GRID1: variants seen among roughly 807,000 people sequenced by gnomAD.
GRID1 encodes the protein glutamate receptor ionotropic, delta-1.
GRID1 carries 28 observed loss-of-function variants against 98.0 expected under a neutral mutation model. The ratio of observed to expected loss-of-function variants is 0.29; its 90% confidence interval spans 0.21 to 0.39. The LOEUF is 0.39. GRID1 is among the 10% of genes least tolerant of loss of function. GRID1 has a pLI of 1.00. For missense variants in GRID1, 1,111 were observed against 1,340.5 expected, an observed-to-expected ratio of 0.83 and a Z score of 2.67; for synonymous variants, 553 against 538.5, an observed-to-expected ratio of 1.03 and a Z score of -0.37.
intron 8 of GRID1, among the ~76,000 whole-genome samples, chr10:85,737,191 G>A (rs1841891443): frequency 6.6e-6 from 1 of 152,126 alleles, no homozygotes; most frequent in South Asian, 2.1e-4. Flanking sequence ...TTTGGTGAAA[G>A]ACATACTTTC....
At chr10:86,010,348 C>T (rs896555420) in intron 4 of GRID1, among the ~76,000 whole-genome samples, 6 of 152,088 alleles carry the variant, frequency 3.9e-5, no homozygotes, top group African/African-American at 7.2e-5. Flanking sequence ...TTTCTTGGGG[C>T]CTACTTCATA....
rs1409991380 is a variant in GRID1, at chr10:85,629,410, T to C, written c.2194-9377A>G. Among the ~76,000 whole-genome samples the C allele has an allele frequency of 2.1e-5, 3 of 141,182 alleles. No individual in the cohort carries two copies. In the East Asian group the frequency reaches 7.5e-4, roughly 35 times the overall value. 92.6% of individuals were successfully genotyped at this position (141,182 alleles called of 152,430 possible). On this transcript the variant is annotated intron_variant, in intron 13 of 15. Transcript: ENST00000327946. ...CCCTCCCACCTTTCCAAGTCTCTAA[T>C]GTCTATTATTCCACACTCGATGTCC...
At chr10:86,231,734 T>C (rs185555828) in intron 2 of GRID1, among the ~76,000 whole-genome samples, 5 of 152,282 alleles carry the variant, frequency 3.3e-5, no homozygotes, top group Admixed American at 3.3e-4. Flanking sequence ...ACAGGAGTCA[T>C]TAGACAGCTG....
intron 2 of GRID1, among the ~76,000 whole-genome samples, chr10:86,342,049 C>T (rs1848318052): frequency 6.6e-6 from 1 of 152,152 alleles, no homozygotes; most frequent in Non-Finnish European, 1.5e-5. Flanking sequence ...ACCCTGGGCC[C>T]CTCCAACTGA....
At chr10:85,975,035 G>A (rs969521566) in intron 4 of GRID1, among the ~76,000 whole-genome samples, 7 of 152,164 alleles carry the variant, frequency 4.6e-5, no homozygotes, top group African/African-American at 7.2e-5. Flanking sequence ...GTTTCTCCAT[G>A]TTCTCTACAA....
intron 12 of GRID1, among the ~76,000 whole-genome samples, chr10:85,700,996 A>C (rs1054112437): frequency 6.6e-6 from 1 of 152,214 alleles, no homozygotes; most frequent in Admixed American, 6.5e-5. Context: ...GTTTATAAAG[A>C]GAGAACAGAT....
At chr10:85,811,918 A>G (rs1247485627) in intron 8 of GRID1, among the ~76,000 whole-genome samples, 1 of 152,208 alleles carries the variant, frequency 6.6e-6, no homozygotes, top group Non-Finnish European at 1.5e-5. Context: ...CTAATCATCA[A>G]TCAAAGACAA....
chr10:86,017,866 G>T (rs917997051), intron 4 of GRID1, among the ~76,000 whole-genome samples: 1 of 152,188 alleles, frequency 6.6e-6, no homozygotes, highest in Non-Finnish European at 1.5e-5. Context: ...TGCAAAGGAG[G>T]GAAAGAGAGG....
chr10:85,607,864 C>T (rs1251059946), intron 15 of GRID1, among the ~76,000 whole-genome samples: 1 of 148,708 alleles, frequency 6.7e-6, no homozygotes, highest in East Asian at 2.0e-4. Flanking sequence ...GTCACCCAGG[C>T]TAGAGTGCAG....
At chr10:85,816,678 T>C (rs1351829962) in intron 8 of GRID1, among the ~76,000 whole-genome samples, 1 of 152,216 alleles carries the variant, frequency 6.6e-6, no homozygotes, top group Non-Finnish European at 1.5e-5. Context: ...TGTATAATTT[T>C]TTCATGCTTT....
chr10:85,615,885 T>C (rs1590160375), intron 14 of GRID1, among the ~76,000 whole-genome samples: 1 of 152,296 alleles, frequency 6.6e-6, no homozygotes, highest in East Asian at 1.9e-4. Flanking sequence ...TGTCAGCAGT[T>C]GAAAAACTAG....
intron 5 of GRID1, among the ~76,000 whole-genome samples, chr10:85,877,296 G>C (rs1251504530): frequency 6.6e-6 from 1 of 152,248 alleles, no homozygotes; most frequent in East Asian, 1.9e-4. Context: ...AGAACGGGCA[G>C]ACTGCCTCCT....
chr10:85,899,890 A>G (rs756028474), intron 5 of GRID1, among the ~76,000 whole-genome samples: 1 of 152,204 alleles, frequency 6.6e-6, no homozygotes, highest in Non-Finnish European at 1.5e-5. Flanking sequence ...TGGAAACTGC[A>G]TCCTAGTTCC....
chr10:85,625,896 C>T (rs551242414), intron 13 of GRID1, among the ~76,000 whole-genome samples: 2 of 152,314 alleles, frequency 1.3e-5, no homozygotes, highest in East Asian at 1.9e-4. Context: ...ACTGATTCCA[C>T]CCCTTTTGGA....
At chr10:86,040,119 A>G (rs1373017033) in intron 4 of GRID1, among the ~76,000 whole-genome samples, 1 of 152,194 alleles carries the variant, frequency 6.6e-6, no homozygotes, top group Non-Finnish European at 1.5e-5. Context: ...GTCTCTGGAA[A>G]TGGGAATCCT....
At chr10:85,944,800 A>G (rs1421697487) in intron 4 of GRID1, among the ~76,000 whole-genome samples, 2 of 150,072 alleles carry the variant, frequency 1.3e-5, no homozygotes, top group Non-Finnish European at 3.0e-5. Context: ...ATTTGGAAAG[A>G]TGAATGTGAT....
intron 2 of GRID1, among the ~76,000 whole-genome samples, chr10:86,283,147 C>T (rs1847379727): frequency 6.6e-6 from 1 of 152,190 alleles, no homozygotes; most frequent in Non-Finnish European, 1.5e-5. Context: ...GCCTGGCCAA[C>T]TCCTCCAGCT....
intron 5 of GRID1, among the ~76,000 whole-genome samples, chr10:85,878,107 A>C (rs1000061954): frequency 1.3e-5 from 2 of 152,208 alleles, no homozygotes; most frequent in Non-Finnish European, 2.9e-5. Flanking sequence ...CCTCCAAGAA[A>C]TATGGGACTA....
At chr10:86,188,876 A>T (rs1458865260) in intron 3 of GRID1, among the ~76,000 whole-genome samples, 1 of 152,190 alleles carries the variant, frequency 6.6e-6, no homozygotes, top group Non-Finnish European at 1.5e-5. Context: ...CAAGTGGCAG[A>T]GCATAAGTTG....
Sources: allele counts gnomAD v4.1 joint callset (sites outside exome capture counted in the v4.1 genomes callset), GRCh38; gene constraint gnomAD v4.1.1; transcripts MANE v1.5; gene names NCBI Gene and HGNC (gene_info 2026-07-23, HGNC 2026-07-21).